The following CDC42BPG variants were observed in gnomAD, a reference collection of about 807,000 sequenced individuals.
The protein encoded by CDC42BPG is CDC42 binding protein kinase gamma, also known as serine/threonine-protein kinase MRCK gamma.
In CDC42BPG, 157 loss-of-function variants were observed where a neutral mutation model predicts 192.2. The observed-to-expected ratio is 0.82, with a 90% CI of 0.72 to 0.93. The LOEUF (loss-of-function observed/expected upper bound fraction) is 0.93. Ranked by LOEUF, CDC42BPG falls within the 40% of genes least tolerant of loss-of-function variation. CDC42BPG has a pLI of 0.00. For synonymous variants in CDC42BPG, 981 were observed against 918.5 expected (o/e 1.07, Z -1.23); for missense variants, 1,992 against 2,122.1 (o/e 0.94, Z 1.20).
chr11:64,837,607 G>A (rs1196127806), intron 9 of CDC42BPG, among the ~76,000 whole-genome samples: 3 of 152,186 alleles, frequency 2.0e-5, no homozygotes, highest in Non-Finnish European at 2.9e-5. Flanking sequence ...GATTACAGGC[G>A]CCCGCCACCA....
intron 8 of CDC42BPG, 150 bp downstream of exon 8, chr11:64,838,504 G>C: frequency 8.9e-7 from 1 of 1,119,460 alleles, no homozygotes; most frequent in Non-Finnish European, 1.3e-6. Flanking sequence ...ATGGTGGCTG[G>C]AACGGGTCAG....
At chr11:64,828,079 C>T (rs1006921312) in intron 30 of CDC42BPG, among the ~76,000 whole-genome samples, 2 of 152,172 alleles carry the variant, frequency 1.3e-5, no homozygotes, top group South Asian at 2.1e-4. Flanking sequence ...ACCCCTGGAG[C>T]CATGTGATGG....
chr11:64,832,988 G>A (rs756013434), intron 24 of CDC42BPG, 29 bp from the exon 25 acceptor site: 2 of 1,505,714 alleles, frequency 1.3e-6, no homozygotes, highest in Non-Finnish European at 1.8e-6. Flanking sequence ...AGGTGGATGA[G>A]GTGAGGCTGG....
At position 64,826,562 on chromosome 11, in the gene CDC42BPG, C is replaced by T. The variant is rs1184957063; in HGVS notation, c.4514-7G>A. The T allele has an allele frequency of 6.3e-7, 1 of 1,598,372 alleles. No individual in the cohort carries two copies. Among genetic ancestry groups the T allele is most frequent in the Non-Finnish European group, 8.5e-7 (1 of 1,173,446 alleles). ...GTCCAGGGTTTCCTCTTCACTGCTC[C>T]AGCAGCAGACGAGGAGACAAAAATA... On this transcript the variant is annotated splice_polypyrimidine_tract_variant and splice_region_variant and intron_variant, in intron 35 of 36. Coordinates refer to ENST00000342711, the MANE Select transcript of CDC42BPG (RefSeq NM_017525.3).
In CDC42BPG at chr11:64,835,676, C is replaced by G. The variant is rs987000751; in HGVS notation, c.1759-55G>C. The stretch of plus-strand genomic sequence containing the variant: ...GACCCAAGATGCCATGGCCCACCCA[C>G]CTGGGACACAGGCCTGGCCCTGAGG... On this transcript the variant is annotated intron_variant, in intron 14 of 36. Coordinates refer to ENST00000342711, the MANE Select transcript of CDC42BPG (RefSeq NM_017525.3). The G allele has an allele frequency of 1.0e-5, 16 of 1,591,374 alleles. No homozygotes were observed. In the African/African-American group the frequency reaches 2.0e-4, roughly 20 times the overall value.
At chr11:64,833,023 G>T (rs1317242710) in intron 24 of CDC42BPG, 64 bp from the exon 25 acceptor site, 7 of 1,477,778 alleles carry the variant, frequency 4.7e-6, no homozygotes, top group South Asian at 1.4e-5. Context: ...AAACCAGGAC[G>T]GGGGCATGTC....
Position 64,834,424 on chromosome 11 carries a change from C to T in CDC42BPG, c.2324+5G>A. ...CTGGCCCCCAGTGCCTGCCCCTAGC[C>T]TCACCGCTCAGCCTGCAGCTGGGCC... On this transcript the variant is annotated splice_donor_5th_base_variant and intron_variant, in intron 19 of 36. Transcript: ENST00000342711. 1.3e-6 allele frequency: 2 copies of T among 1,564,040 alleles called. No individual in the cohort carries two copies. The highest frequency in any genetic ancestry group is 1.7e-6 in the Non-Finnish European group (2 of 1,155,764).
At chr11:64,831,406 G>T in intron 28 of CDC42BPG, 99 bp downstream of exon 28, 1 of 1,121,682 alleles carries the variant, frequency 8.9e-7, no homozygotes, top group Non-Finnish European at 1.3e-6. Context: ...TCTCGTGGCT[G>T]CAGGGAATGG....
intron 1 of CDC42BPG, among the ~76,000 whole-genome samples, chr11:64,843,315 A>G (rs1351004997): frequency 1.3e-5 from 2 of 152,036 alleles, no homozygotes; most frequent in Admixed American, 6.5e-5. Flanking sequence ...ATGTGTGTGC[A>G]AACACACACA....
chr11:64,827,037 C>G lies in CDC42BPG; in HGVS notation c.4389+13G>C. On this transcript the variant is annotated intron_variant, in intron 34 of 36. Transcript: ENST00000342711. ...TCACCAAAGTGGCTTGTGATTGGCTCCAGAGGACTAACCGGGGACTTGTCC... is the reference window on the plus strand; with the variant it reads ...TCACCAAAGTGGCTTGTGATTGGCTGCAGAGGACTAACCGGGGACTTGTCC... The G allele has an allele frequency of 6.4e-7, 1 of 1,566,206 alleles. No individual in the cohort carries two copies. Among genetic ancestry groups the G allele is most frequent in the Non-Finnish European group, 8.8e-7 (1 of 1,138,444 alleles).
chr11:64,840,315 G>A (rs747839730), intron 4 of CDC42BPG, 47 bp from the exon 5 acceptor site: 2 of 1,595,872 alleles, frequency 1.3e-6, no homozygotes, highest in South Asian at 2.2e-5. Context: ...GGTGCACCTG[G>A]CCACTTCACC....
At chr11:64,840,856 G>A (rs1055603930) in intron 3 of CDC42BPG, among the ~76,000 whole-genome samples, 1 of 152,328 alleles carries the variant, frequency 6.6e-6, no homozygotes, top group South Asian at 2.1e-4. Flanking sequence ...AAATGGGAAC[G>A]ACTCTGCTTG....
At position 64,835,116 on chromosome 11, in the gene CDC42BPG, T is replaced by C. The variant is rs1160895155; in HGVS notation, c.1991A>G (p.Gln664Arg). The C allele has an allele frequency of 1.9e-6, 3 of 1,578,582 alleles. No homozygotes were observed. In the African/African-American group the frequency reaches 4.1e-5, roughly 22 times the overall value. ...CTCCCGCCGCTCACCCTCCAGCCGCTGCTTGCTCTCCTGCTCCTGGGCCAG... is the reference window on the plus strand; with the variant it reads ...CTCCCGCCGCTCACCCTCCAGCCGCCGCTTGCTCTCCTGCTCCTGGGCCAG... ...AELAQEQESKQRLEGERRETE... is the reference protein window; with the variant it reads ...AELAQEQESKRRLEGERRETE... Residue 664 changes from glutamine to arginine, a missense_variant, in exon 17 of 37, where the codon CAG becomes CGG. Coordinates refer to ENST00000342711, the MANE Select transcript of CDC42BPG (RefSeq NM_017525.3).
intron 20 of CDC42BPG, 38 bp downstream of exon 20, chr11:64,834,228 G>C: frequency 6.5e-7 from 1 of 1,532,298 alleles, no homozygotes; most frequent in Non-Finnish European, 8.8e-7. Context: ...GGCCGCGGGG[G>C]AGCCTGGCTC....
chr11:64,824,124 G>T lies in CDC42BPG; in HGVS notation c.*349C>A, dbSNP rs1226957771. ...CCTCCAACCTGTTCCCAGAGACCCA[G>T]TCCCTCTCCATCCCTCATCCCAACT... On this transcript the variant is annotated 3_prime_UTR_variant, in exon 37 of 37. Transcript: ENST00000342711. The T allele has an allele frequency of 2.8e-6, 1 of 362,122 alleles. No individual in the cohort carries two copies. The highest frequency in any genetic ancestry group is 2.2e-5 in the African/African-American group (1 of 46,436). The allele number at this position is 362,122 out of a possible 1,614,324, so 22.4% of individuals were successfully genotyped here.
intron 5 of CDC42BPG, 77 bp from the exon 6 acceptor site, chr11:64,839,648 C>A (rs1273121839): frequency 4.9e-6 from 6 of 1,212,410 alleles, no homozygotes; most frequent in Non-Finnish European, 7.0e-6. Flanking sequence ...CCCAGGTGCA[C>A]ATGCACGGTG....
At position 64,833,311 on chromosome 11, in the gene CDC42BPG, C is replaced by T. The variant is rs756877252; in HGVS notation, c.2651G>A (p.Arg884Gln). 43 of 1,538,608 alleles carry T rather than the reference C, an allele frequency of 2.8e-5. No individual in the cohort carries two copies. The highest frequency in any genetic ancestry group is 1.7e-4 in the Middle Eastern group (1 of 5,868). ...AKPGSHTLRP[R>Q]SFPSPTKCLR... ...ACACTTGGTCGGGGATGGGAAGCTC[C>T]GGGGGCGCAGCGTGTGTGAGCCGGG... Residue 884 changes from arginine (R) to glutamine (Q), a missense_variant, in exon 24 of 37, where the codon CGG becomes CAG. Arg to Gln is a conservative substitution (Grantham distance 43, BLOSUM62 1). This residue lies in a region of CDC42BPG where 1,656 missense variants were observed against 1,844.3 expected (regional missense o/e 0.90). Coordinates refer to ENST00000342711, the MANE Select transcript of CDC42BPG (RefSeq NM_017525.3).
At chr11:64,838,350 C>T (rs971080405) in intron 8 of CDC42BPG, among the ~76,000 whole-genome samples, 188 bp from the exon 9 acceptor site, 3 of 152,198 alleles carry the variant, frequency 2.0e-5, no homozygotes, top group African/African-American at 4.8e-5. Context: ...AGTTTTCTTC[C>T]TTATACGGAT....
intron 28 of CDC42BPG, among the ~76,000 whole-genome samples, chr11:64,830,695 G>T (rs1006173701): frequency 6.6e-6 from 1 of 152,170 alleles, no homozygotes; most frequent in Admixed American, 6.5e-5. Context: ...CCTGGCTCAG[G>T]GCCTCAGCTG....
Sources: allele counts gnomAD v4.1 joint callset (sites outside exome capture counted in the v4.1 genomes callset), GRCh38; gene constraint gnomAD v4.1.1; regional missense constraint gnomAD v4.1.1; transcripts MANE v1.5; gene names NCBI Gene and HGNC (gene_info 2026-07-23, HGNC 2026-07-21).